RASGRF2: variants seen among roughly 807,000 people sequenced by gnomAD.
RASGRF2 encodes the protein ras-specific guanine nucleotide-releasing factor 2.
Under a neutral mutation model 151.0 loss-of-function variants are expected in RASGRF2, and 76 were observed. The ratio of observed to expected loss-of-function variants is 0.50; its 90% CI spans 0.42 to 0.61. The LOEUF (loss-of-function observed/expected upper bound fraction) is 0.61, where lower values mean the gene tolerates loss of function less well. Ranked by LOEUF, RASGRF2 falls within the 20% of genes least tolerant of loss-of-function variation. The pLI is 0.00. For missense variants in RASGRF2, 1,148 were observed against 1,564.6 expected, an observed-to-expected ratio of 0.73 and a Z score of 4.49; for synonymous variants, 504 against 566.5, an observed-to-expected ratio of 0.89 and a Z score of 1.57.
intron 17 of RASGRF2, among the ~76,000 whole-genome samples, chr5:81,172,936 A>G (rs995373951): frequency 1.3e-5 from 2 of 152,168 alleles, no homozygotes; most frequent in African/African-American, 4.8e-5. Flanking sequence ...ATGACATCAT[A>G]TGCTTCTGAA....
intron 17 of RASGRF2, among the ~76,000 whole-genome samples, chr5:81,158,705 G>A (rs546282989): frequency 5.9e-5 from 9 of 152,220 alleles, no homozygotes; most frequent in East Asian, 5.8e-4. Context: ...TGTCAATGTC[G>A]TTAGTCATTA....
chr5:81,029,314 A>C (rs973801943), intron 1 of RASGRF2, among the ~76,000 whole-genome samples: 1 of 152,190 alleles, frequency 6.6e-6, no homozygotes, highest in Non-Finnish European at 1.5e-5. Context: ...TTCTCCCAGC[A>C]CACAGGTTGA....
chr5:81,005,128 G>A lies in RASGRF2; in HGVS notation c.289-37749G>A, dbSNP rs144916900. 1.5e-3 allele frequency among the ~76,000 whole-genome samples: 228 copies of A among 152,222 alleles called. 2 individuals carry two copies. The highest frequency in any genetic ancestry group is 5.8e-3 in the South Asian group (28 of 4,812). On this transcript the variant is annotated intron_variant, in intron 1 of 26. Transcript: ENST00000265080. Reference sequence around the variant, plus strand: ...GGAATCATACATTATACCGTCCTTTGTGTCTGGTTTCATTTAACATTAGTG... The same window carrying A: ...GGAATCATACATTATACCGTCCTTTATGTCTGGTTTCATTTAACATTAGTG...
intron 1 of RASGRF2, among the ~76,000 whole-genome samples, chr5:81,030,403 A>T (rs188152613): frequency 2.0e-5 from 3 of 152,334 alleles, no homozygotes; most frequent in Non-Finnish European, 4.4e-5. Context: ...CCAGGGAGTA[A>T]GGTCAGGTTA....
chr5:81,080,271 A>G (rs944812429), intron 6 of RASGRF2, 71 bp downstream of exon 6: 9 of 1,562,052 alleles, frequency 5.8e-6, no homozygotes, highest in Non-Finnish European at 6.9e-6. Context: ...TAGCTCCAAC[A>G]TTATTCAGCC....
rs191151549 is a variant in RASGRF2 at position 81,014,276 on chromosome 5, C to T, written c.289-28601C>T. On this transcript the variant is annotated intron_variant, in intron 1 of 26. Transcript: ENST00000265080. The stretch of plus-strand genomic sequence containing the variant: ...TTTTCACACTGCTGATGAAGACACA[C>T]CCAAGACTGGGCAATTTACAAAAGA... Among the ~76,000 whole-genome samples the T allele has an allele frequency of 2.3e-3, 348 of 152,228 alleles. 1 individual carries two copies. Among genetic ancestry groups the T allele is most frequent in the South Asian group, 0.014 (69 of 4,822 alleles).
chr5:81,010,562 G>A lies in RASGRF2; in HGVS notation c.289-32315G>A, dbSNP rs138376807. Among the ~76,000 whole-genome samples, 648 of 152,308 alleles carry A rather than the reference G, an allele frequency of 4.3e-3. 2 individuals are homozygous for A. Among genetic ancestry groups the A allele is most frequent in the South Asian group, 0.014 (70 of 4,830 alleles). On this transcript the variant is annotated intron_variant, in intron 1 of 26. Coordinates refer to ENST00000265080, the MANE Select transcript of RASGRF2 (RefSeq NM_006909.3). ...GCAAAAATGTAAAGTTCTAGGTAGT[G>A]CACATGAGCAAGTGCCAATTTTCTT... is the stretch of plus-strand genomic sequence containing the variant.
rs554067797 is a variant in RASGRF2 at position 80,998,739 on chromosome 5, A to T, written c.288+37713A>T. Among the ~76,000 whole-genome samples the T allele has an allele frequency of 5.8e-4, 89 of 152,256 alleles. 1 individual carries two copies. Among genetic ancestry groups the T allele is most frequent in the Non-Finnish European group, 1.0e-3 (70 of 68,026 alleles). ...CCCTTTTTCACCCTGCTCTGCCTGT[A>T]TAAGTTGCATCAGCAGACAGCCAGG... On this transcript the variant is annotated intron_variant, in intron 1 of 26. Transcript: ENST00000265080.
At chr5:81,053,610 G>A (rs1360416390) in intron 2 of RASGRF2, among the ~76,000 whole-genome samples, 1 of 152,122 alleles carries the variant, frequency 6.6e-6, no homozygotes, top group East Asian at 1.9e-4. Flanking sequence ...CTTTATAGCA[G>A]TATGATTTAT....
Position 81,181,191 on chromosome 5 carries a change from A to G in RASGRF2, c.2793+910A>G, listed in dbSNP as rs547855088. 2.1e-3 allele frequency among the ~76,000 whole-genome samples: 322 copies of G among 152,326 alleles called. 1 individual carries two copies. The highest frequency in any genetic ancestry group is 4.4e-3 in the Admixed American group (67 of 15,308). ...AGGTCTTTATTATTAGGTTGGTGCC[A>G]AAGTAATTGCAGTTTCTGCCACTAT... On this transcript the variant is annotated intron_variant, in intron 18 of 26. Transcript: ENST00000265080.
chr5:81,150,439 GTTA>G lies in RASGRF2; in HGVS notation c.2686+23282_2686+23284del, dbSNP rs537562981. Among the ~76,000 whole-genome samples, 426 of 152,310 alleles carry G rather than the reference GTTA, an allele frequency of 2.8e-3. 2 individuals are homozygous for G. The highest frequency in any genetic ancestry group is 4.1e-3 in the Non-Finnish European group (276 of 68,022). On this transcript the variant is annotated intron_variant, in intron 17 of 26. Transcript: ENST00000265080. ...AAGTGTTCAATGAATATTTTCTGCT[GTTA>G]TTATTGGCTGTTTCCTCCACTTGAT... is the stretch of plus-strand genomic sequence containing the variant.
At chr5:80,984,696 T>C (rs1266056367) in intron 1 of RASGRF2, among the ~76,000 whole-genome samples, 1 of 152,226 alleles carries the variant, frequency 6.6e-6, no homozygotes, top group Non-Finnish European at 1.5e-5. Context: ...CTTGTATTAA[T>C]GTGCCAAGGT....
chr5:81,209,384 G>A (rs1182639020), intron 22 of RASGRF2, among the ~76,000 whole-genome samples: 1 of 152,126 alleles, frequency 6.6e-6, no homozygotes, highest in Non-Finnish European at 1.5e-5. Context: ...CAGGCAACGG[G>A]AAGCCTCCCC....
intron 1 of RASGRF2, among the ~76,000 whole-genome samples, chr5:81,000,292 A>G (rs1749036834): frequency 6.6e-6 from 1 of 152,214 alleles, no homozygotes; most frequent in Non-Finnish European, 1.5e-5. Context: ...CCTAGGCTGG[A>G]GTGCAATGGT....
At chr5:81,051,620 T>G (rs1289935074) in intron 2 of RASGRF2, among the ~76,000 whole-genome samples, 2 of 152,230 alleles carry the variant, frequency 1.3e-5, no homozygotes, top group African/African-American at 4.8e-5. Context: ...GCATAATGTT[T>G]CCAAGCTTCG....
At chr5:81,141,879 A>G (rs566919425) in intron 17 of RASGRF2, among the ~76,000 whole-genome samples, 1 of 152,330 alleles carries the variant, frequency 6.6e-6, no homozygotes, top group East Asian at 1.9e-4. Flanking sequence ...ATCTGGTTAG[A>G]GGAAGCATGT....
chr5:81,024,774 C>T (rs1167756716), intron 1 of RASGRF2, among the ~76,000 whole-genome samples: 2 of 152,160 alleles, frequency 1.3e-5, no homozygotes, highest in Non-Finnish European at 2.9e-5. Flanking sequence ...ATTTTCTGTT[C>T]ACTGTAATAC....
intron 12 of RASGRF2, among the ~76,000 whole-genome samples, chr5:81,098,829 A>G (rs1326714487): frequency 6.6e-6 from 1 of 152,320 alleles, no homozygotes; most frequent in East Asian, 1.9e-4. Context: ...TTTCGTATCC[A>G]TTCATGGAAT....
At chr5:81,202,581 C>A (rs1755421946) in intron 19 of RASGRF2, among the ~76,000 whole-genome samples, 1 of 152,192 alleles carries the variant, frequency 6.6e-6, no homozygotes, top group Non-Finnish European at 1.5e-5. Context: ...AATTGTATCT[C>A]CCTACCCCCT....
Sources: gnomAD v4.1 joint callset for allele counts (sites outside exome capture counted in the v4.1 genomes callset) on GRCh38, gnomAD v4.1.1 for gene constraint, MANE v1.5 for transcripts, NCBI Gene and HGNC (gene_info 2026-07-23, HGNC 2026-07-21) for gene names.